CHD1: variants seen among roughly 807,000 people sequenced by gnomAD.
CHD1 encodes the protein chromodomain helicase DNA binding protein 1.
A neutral mutation model predicts 224.2 loss-of-function variants in CHD1; 36 were observed. The observed-to-expected ratio is 0.16, with a 90% CI of 0.12 to 0.21. The LOEUF is 0.21. Ranked by LOEUF, CHD1 falls within the 10% of genes least tolerant of loss-of-function variation. The probability of loss-of-function intolerance (pLI) is 1.00; values close to 1 mark genes in which losing one functional copy is unlikely to be tolerated. For synonymous variants in CHD1, 668 were observed against 658.3 expected, an observed-to-expected ratio of 1.01 and a Z score of -0.23; for missense variants, 1,378 against 1,994.8, an observed-to-expected ratio of 0.69 and a Z score of 5.89.
At position 98,872,311 on chromosome 5, in the gene CHD1, C is replaced by G. The variant is rs374593927; in HGVS notation, c.3710+106G>C. 7.7e-5 allele frequency: 112 copies of G among 1,461,740 alleles called. 3 individuals are homozygous for G. The South Asian group carries it at 1.3e-3, about 17-fold the overall frequency. The allele number at this position is 1,461,740 out of a possible 1,614,324, so 90.5% of individuals were successfully genotyped here. ...TTCAAAATAATATGCTTTATTTCTT[C>G]CTTTTTTTTTTCAAAACTAGCCAAT... On this transcript the variant is annotated intron_variant, in intron 27 of 35. Coordinates refer to ENST00000614616, the MANE Select transcript of CHD1 (RefSeq NM_001270.4).
intron 31 of CHD1, among the ~76,000 whole-genome samples, chr5:98,865,192 T>C (rs1365557233): frequency 1.3e-5 from 2 of 152,050 alleles, no homozygotes; most frequent in East Asian, 3.9e-4. Flanking sequence ...AAAACAAACA[T>C]GAAAGTCCTA....
chr5:98,869,624 A>C, intron 30 of CHD1, 130 bp downstream of exon 30: 1 of 292,350 alleles, frequency 3.4e-6, no homozygotes, highest in South Asian at 4.8e-5. Context: ...GTGCGCGCGC[A>C]CACACACACA....
In CHD1 at chr5:98,854,072, T is replaced by C. The variant is rs1747860020; in HGVS notation, c.*2308A>G. The C allele has an allele frequency of 6.6e-6, 1 of 151,958 alleles. No homozygotes were observed. The highest frequency in any genetic ancestry group is 2.4e-5 in the African/African-American group (1 of 41,426). 9.4% of individuals were successfully genotyped at this position (151,958 alleles called of 1,614,324 possible). The stretch of plus-strand genomic sequence containing the variant: ...TCTCTCACCCTTGAAAAATTAAACA[T>C]AACTGGATAAAAATAACAAAGCAGA... On this transcript the variant is annotated 3_prime_UTR_variant, in exon 36 of 36. Transcript: ENST00000614616.
Position 98,854,425 on chromosome 5 carries a change from G to C in CHD1, c.*1955C>G, listed in dbSNP as rs1747881284. On this transcript the variant is annotated 3_prime_UTR_variant, in exon 36 of 36. Coordinates refer to ENST00000614616, the MANE Select transcript of CHD1 (RefSeq NM_001270.4). ...CACCATCTTATGACTTAAGCATTAT[G>C]AATTAGTCAAATGCTATCTTGTGGA... 1 of 152,016 alleles carries C rather than the reference G, an allele frequency of 6.6e-6. No homozygotes were observed. The highest frequency in any genetic ancestry group is 1.5e-5 in the Non-Finnish European group (1 of 67,922). 9.4% of individuals were successfully genotyped at this position (152,016 alleles called of 1,614,324 possible). A position where few individuals can be genotyped will look rare whatever the true frequency, so the allele number is the denominator to read the frequency against.
intron 2 of CHD1, among the ~76,000 whole-genome samples, chr5:98,916,507 T>A (rs922556384): frequency 7.8e-6 from 1 of 128,332 alleles, no homozygotes; most frequent in Non-Finnish European, 1.5e-5. Flanking sequence ...ATTGCAACAT[T>A]GCACTCCAGT....
rs1748055579 is a variant in CHD1, at chr5:98,856,644, TA to T, written c.4868del (p.Leu1623Ter). ...GATGATCAGAATGAGATCTATCTTT[TA>T]AACTTCCTTCCAAATTTGACCTGTG... ...RDHRSNLEGS[L>X]KDRSHSDHRS... On this transcript the variant is annotated frameshift_variant, in exon 36 of 36. Coordinates refer to ENST00000614616, the MANE Select transcript of CHD1 (RefSeq NM_001270.4). LOFTEE classifies it high-confidence loss of function. The T allele has an allele frequency of 6.2e-7, 1 of 1,613,686 alleles. No homozygotes were observed. Among genetic ancestry groups the T allele is most frequent in the Admixed American group, 1.7e-5 (1 of 59,950 alleles).
intron 18 of CHD1, chr5:98,883,802 C>G (rs1021658370): frequency 3.0e-5 from 5 of 167,774 alleles, no homozygotes; most frequent in Non-Finnish European, 5.4e-5. Context: ...GCATTTGCAG[C>G]AACCTAGATG....
intron 17 of CHD1, 148 bp downstream of exon 17, chr5:98,887,940 A>G (rs948075734): frequency 1.3e-5 from 6 of 447,326 alleles, no homozygotes; most frequent in African/African-American, 1.2e-4. Flanking sequence ...GGAATGACAA[A>G]TATTTTTTAA....
intron 2 of CHD1, among the ~76,000 whole-genome samples, chr5:98,909,555 AT>A (rs2112573250): frequency 1.3e-5 from 2 of 152,256 alleles, no homozygotes; most frequent in Admixed American, 1.3e-4. Context: ...TCCTCCATTA[AT>A]AAGAGGCAGT....
chr5:98,860,372 G>A (rs1037141774), intron 32 of CHD1: 1 of 337,256 alleles, frequency 3.0e-6, no homozygotes, highest in East Asian at 7.9e-5. Context: ...AAATCAGGAA[G>A]TGACTCAGAT....
At chr5:98,869,618 G>A (rs1394184096) in intron 30 of CHD1, 136 bp downstream of exon 30, 16 of 796,044 alleles carry the variant, frequency 2.0e-5, no homozygotes, top group Middle Eastern at 3.8e-4. Flanking sequence ...GCGCACGTGC[G>A]CGCGCACACA....
intron 1 of CHD1, 141 bp from the exon 2 acceptor site, chr5:98,926,675 TA>T: frequency 4.7e-6 from 1 of 211,116 alleles, no homozygotes; most frequent in East Asian, 1.0e-4. Context: ...ATTAAATACT[TA>T]AAATATCTAG....
intron 30 of CHD1, chr5:98,869,305 T>C (rs2112301114): frequency 1.0e-6 from 1 of 984,548 alleles, no homozygotes; most frequent in Non-Finnish European, 1.2e-6. Context: ...GGCCAATGTA[T>C]TACTAACCAA....
At chr5:98,919,574 T>C (rs1222747446) in intron 2 of CHD1, among the ~76,000 whole-genome samples, 17 of 152,164 alleles carry the variant, frequency 1.1e-4, no homozygotes, top group Admixed American at 1.1e-3. Context: ...ACATGTATAT[T>C]ATGAGTGAAT....
intron 29 of CHD1, 66 bp from the exon 30 acceptor site, chr5:98,869,948 T>A: frequency 8.1e-7 from 1 of 1,228,482 alleles, no homozygotes; most frequent in Non-Finnish European, 1.2e-6. Context: ...TCATAAACAT[T>A]AAATCCAAGG....
At position 98,925,687 on chromosome 5, in the gene CHD1, C is replaced by A. The variant is rs71636354; in HGVS notation, c.53+647G>T. Among the ~76,000 whole-genome samples, 1,189 of 152,098 alleles carry A rather than the reference C, an allele frequency of 7.8e-3. 8 individuals carry two copies. Among genetic ancestry groups the A allele is most frequent in the East Asian group, 0.014 (74 of 5,184 alleles). Reference sequence around the variant, plus strand: ...CAAGCAAGAACTCTTAACTCCTTCACAGATAATTAAAACTCCAATCTGAAA... The same window carrying A: ...CAAGCAAGAACTCTTAACTCCTTCAAAGATAATTAAAACTCCAATCTGAAA... On this transcript the variant is annotated intron_variant, in intron 2 of 35. Transcript: ENST00000614616.
chr5:98,884,854 T>A (rs1323065866), intron 18 of CHD1, among the ~76,000 whole-genome samples: 1 of 152,002 alleles, frequency 6.6e-6, no homozygotes, highest in African/African-American at 2.4e-5. Context: ...TAACTGGGAC[T>A]ACAACCGAGT....
rs1167003414 is a variant in CHD1, at chr5:98,881,263, T to C, written c.2964+16A>G. 2 of 1,391,098 alleles carry C rather than the reference T, an allele frequency of 1.4e-6. No homozygotes were observed. The highest frequency in any genetic ancestry group is 1.9e-6 in the Non-Finnish European group (2 of 1,043,480). 86.2% of individuals were successfully genotyped at this position (1,391,098 alleles called of 1,614,324 possible). ...ATTCTGAGGCAGGCCTTTTTTTTTT[T>C]TTTTTTTTTTTTTACCTGGGGCTCT... is the stretch of plus-strand genomic sequence containing the variant. On this transcript the variant is annotated intron_variant, in intron 21 of 35. Coordinates refer to ENST00000614616, the MANE Select transcript of CHD1 (RefSeq NM_001270.4).
At chr5:98,866,797 C>T (rs952377407) in intron 31 of CHD1, among the ~76,000 whole-genome samples, 1 of 151,862 alleles carries the variant, frequency 6.6e-6, no homozygotes, top group African/African-American at 2.4e-5. Context: ...TGTAAGGAAA[C>T]ATTTCCTAGT....
Sources: allele counts gnomAD v4.1 joint callset (sites outside exome capture counted in the v4.1 genomes callset), GRCh38; gene constraint gnomAD v4.1.1; transcripts MANE v1.5; gene names NCBI Gene and HGNC (gene_info 2026-07-23, HGNC 2026-07-21).